The following SMURF2 variants were observed in gnomAD, a reference collection of about 807,000 sequenced individuals.
The protein encoded by SMURF2 is SMAD specific E3 ubiquitin protein ligase 2.
SMURF2 carries 48 observed loss-of-function variants against 109.6 expected under a neutral mutation model. The observed-to-expected ratio is 0.44, with a 90% CI of 0.35 to 0.56. SMURF2 has a LOEUF of 0.56. SMURF2 is among the 20% of genes least tolerant of loss of function. The pLI is 0.01. For synonymous variants in SMURF2, 288 were observed against 317.1 expected, an observed-to-expected ratio of 0.91 and a Z score of 0.97; for missense variants, 575 against 909.0, an observed-to-expected ratio of 0.63 and a Z score of 4.72.
At chr17:64,644,916 A>G (rs1400550298) in intron 1 of SMURF2, among the ~76,000 whole-genome samples, 1 of 152,036 alleles carries the variant, frequency 6.6e-6, no homozygotes, top group Non-Finnish European at 1.5e-5. Context: ...AGGCTGAGGC[A>G]GGAGCCGCTT....
intron 7 of SMURF2, among the ~76,000 whole-genome samples, chr17:64,582,629 C>A (rs980030163): frequency 2.6e-5 from 4 of 152,170 alleles, no homozygotes; most frequent in Non-Finnish European, 5.9e-5. Flanking sequence ...GACTGAGTCT[C>A]GCTCTATCGC....
At chr17:64,613,743 T>TGTGTGTGTGTGTGTG (rs1970082164) in intron 1 of SMURF2, among the ~76,000 whole-genome samples, 4 of 92,160 alleles carry the variant, frequency 4.3e-5, no homozygotes, top group Non-Finnish European at 6.7e-5. Context: ...TGTGTGTGTG[T>TGTGTGTGTGTGTGTG]GGAGGGGGGG....
At chr17:64,649,181 T>G (rs373749822) in intron 1 of SMURF2, among the ~76,000 whole-genome samples, 4 of 152,094 alleles carry the variant, frequency 2.6e-5, no homozygotes, top group East Asian at 3.9e-4. Flanking sequence ...CACATTGGAG[T>G]CAAATTTTCA....
chr17:64,553,938 G>A (rs1555683825), intron 15 of SMURF2, among the ~76,000 whole-genome samples: 1 of 152,142 alleles, frequency 6.6e-6, no homozygotes, highest in African/African-American at 2.4e-5. Context: ...AAGTTTCTGT[G>A]TACATAAAGT....
At chr17:64,563,091 C>G in intron 10 of SMURF2, 125 bp from the exon 11 acceptor site, 2 of 832,492 alleles carry the variant, frequency 2.4e-6, no homozygotes, top group Non-Finnish European at 3.5e-6. Context: ...CTTAGTAGAA[C>G]ATATACTTGG....
intron 5 of SMURF2, among the ~76,000 whole-genome samples, chr17:64,589,929 TG>T (rs1224843872): frequency 2.0e-5 from 3 of 151,978 alleles, no homozygotes; most frequent in Non-Finnish European, 4.4e-5. Context: ...CCAAAAATGG[TG>T]GGGTGCGCTG....
intron 16 of SMURF2, among the ~76,000 whole-genome samples, chr17:64,548,143 A>G (rs1472116782): frequency 6.6e-6 from 1 of 152,210 alleles, no homozygotes; most frequent in Admixed American, 6.5e-5. Context: ...TAATAAAATT[A>G]TAAAGCTTTA....
intron 1 of SMURF2, among the ~76,000 whole-genome samples, chr17:64,647,420 C>A (rs1438793967): frequency 3.3e-5 from 5 of 152,148 alleles, no homozygotes; most frequent in Admixed American, 1.3e-4. Flanking sequence ...GTGGTTCACA[C>A]CCGTAATCCC....
chr17:64,602,166 G>C (rs1969907369), intron 2 of SMURF2, among the ~76,000 whole-genome samples: 1 of 151,784 alleles, frequency 6.6e-6, no homozygotes, highest in Admixed American at 6.6e-5. Context: ...CTGGACTATG[G>C]GGACTGGGGG....
At chr17:64,609,623 C>T (rs978452658) in intron 1 of SMURF2, among the ~76,000 whole-genome samples, 1 of 128,258 alleles carries the variant, frequency 7.8e-6, no homozygotes, top group East Asian at 1.9e-4. Context: ...AAAATTAACT[C>T]GAGATACATT....
rs782489037 is a variant in SMURF2 at position 64,593,526 on chromosome 17, T to C, written c.248A>G (p.Lys83Arg). ...DSVTISVWNH[K>R]KIHKKQGAGF... Reference sequence around the variant, plus strand: ...AGCACCTTGTTTCTTATGGATCTTCTTGTGATTCCATACACTGATCGTAAC... The same window carrying C: ...AGCACCTTGTTTCTTATGGATCTTCCTGTGATTCCATACACTGATCGTAAC... Residue 83 changes from lysine to arginine, a missense_variant, in exon 4 of 19, where the codon AAG (lysine) becomes AGG (arginine). Lys to Arg is a conservative substitution (Grantham distance 26). This residue lies in a region of SMURF2 where 33 missense variants were observed against 66.0 expected (regional missense o/e 0.50). Transcript: ENST00000262435. The C allele has an allele frequency of 1.0e-5, 16 of 1,607,044 alleles. No homozygotes were observed. The highest frequency in any genetic ancestry group is 1.4e-5 in the Non-Finnish European group (16 of 1,175,452).
At position 64,543,328 on chromosome 17, in the gene SMURF2, G is replaced by A. The variant is rs2144576209; in HGVS notation, c.*2520C>T. The A allele has an allele frequency of 6.7e-6, 1 of 150,278 alleles. No homozygotes were observed. The highest frequency in any genetic ancestry group is 2.1e-4 in the South Asian group (1 of 4,740). The allele number at this position is 150,278 out of a possible 1,614,324, so 9.3% of individuals were successfully genotyped here. A position where few individuals can be genotyped will look rare whatever the true frequency, so the allele number is the denominator to read the frequency against. On this transcript the variant is annotated 3_prime_UTR_variant, in exon 19 of 19. Coordinates refer to ENST00000262435, the MANE Select transcript of SMURF2 (RefSeq NM_022739.4). Reference sequence around the variant, plus strand: ...TCACTCTTGTCGCCCAGGCTGGAGTGCAGTGGTGCGATCTCGGCTCACTGC... The same window carrying A: ...TCACTCTTGTCGCCCAGGCTGGAGTACAGTGGTGCGATCTCGGCTCACTGC...
Position 64,578,512 on chromosome 17 carries a change from C to T in SMURF2, c.837G>A (p.Trp279Ter). ...FLHTQTGVSTWHDPRVPRDLS... is the reference protein window; with the variant it reads ...FLHTQTGVST ...CTTACCTGGGCACTCTTGGATCATG[C>T]CATGTGCTCACACCAGTCTGTGTAT... Residue 279 changes from tryptophan (W) to a stop codon, truncating the protein, a stop_gained, in exon 9 of 19, where the codon TGG becomes TGA. Transcript: ENST00000262435. LOFTEE classifies it high-confidence loss of function. 1.9e-6 allele frequency: 3 copies of T among 1,613,230 alleles called. No individual in the cohort carries two copies. Among genetic ancestry groups the T allele is most frequent in the Non-Finnish European group, 2.5e-6 (3 of 1,179,244 alleles).
intron 9 of SMURF2, chr17:64,573,021 C>T (rs1442870563): frequency 4.0e-5 from 6 of 150,780 alleles, no homozygotes; most frequent in African/African-American, 1.2e-4. Context: ...GTTACCAGAG[C>T]CATGTGTAAA....
intron 9 of SMURF2, chr17:64,572,780 C>T (rs1179841995): frequency 6.6e-6 from 1 of 152,190 alleles, no homozygotes; most frequent in African/African-American, 2.4e-5. Context: ...GCATTGCTTC[C>T]ATTTGGCTGT....
At chr17:64,578,632 C>T in intron 8 of SMURF2, 56 bp from the exon 9 acceptor site, 1 of 1,094,142 alleles carries the variant, frequency 9.1e-7, no homozygotes, top group Non-Finnish European at 1.4e-6. Context: ...AGATCAAAGA[C>T]AGTTATATAC....
At chr17:64,631,278 GGGGGAGAGAGAGAGAGAGAGAGAGAGA>G (rs1970338414) in intron 1 of SMURF2, among the ~76,000 whole-genome samples, 1 of 30,418 alleles carries the variant, frequency 3.3e-5, no homozygotes, top group East Asian at 9.4e-4. Flanking sequence ...GAGAGGGGGG[GGGGGAGAGAGAGAGAGAGAGAGAGAGA>G]GAGAGAGAGA....
At chr17:64,633,124 G>C (rs1970371572) in intron 1 of SMURF2, among the ~76,000 whole-genome samples, 1 of 152,132 alleles carries the variant, frequency 6.6e-6, no homozygotes, top group African/African-American at 2.4e-5. Flanking sequence ...ACAAAAATTA[G>C]CCAGGCGTGG....
rs1298605195 is a variant in SMURF2, at chr17:64,555,812, A to C, written c.1610+8T>G. On this transcript the variant is annotated splice_region_variant and intron_variant, in intron 14 of 18. Coordinates refer to ENST00000262435, the MANE Select transcript of SMURF2 (RefSeq NM_022739.4). ...TTATAATGAAGAGATAGAAGACTCA[A>C]TACATACAGTATCCACACTAAACTG... 7 of 1,591,040 alleles carry C rather than the reference A, an allele frequency of 4.4e-6. No homozygotes were observed. The highest frequency in any genetic ancestry group is 5.2e-6 in the Non-Finnish European group (6 of 1,163,650).
Sources: gnomAD v4.1 joint callset for allele counts (sites outside exome capture counted in the v4.1 genomes callset) on GRCh38, gnomAD v4.1.1 for gene constraint, gnomAD v4.1.1 regional missense constraint, MANE v1.5 for transcripts, NCBI Gene and HGNC (gene_info 2026-07-23, HGNC 2026-07-21) for gene names.